CDK14: variants seen among roughly 807,000 people sequenced by gnomAD.
CDK14 encodes the protein cyclin-dependent kinase 14.
CDK14 carries 34 observed loss-of-function variants against 60.7 expected under a neutral mutation model. The observed-to-expected ratio is 0.56, with a 90% CI of 0.43 to 0.75. The LOEUF is 0.75. Ranked by LOEUF, CDK14 falls within the 30% of genes least tolerant of loss-of-function variation. The pLI, the probability that CDK14 is intolerant of heterozygous loss-of-function variation, is 0.00. For synonymous variants in CDK14, 197 were observed against 203.7 expected (o/e 0.97, Z 0.28); for missense variants, 482 against 564.1 (o/e 0.85, Z 1.47).
At chr7:90,744,886 G>A (rs538260771) in intron 3 of CDK14, among the ~76,000 whole-genome samples, 6 of 151,556 alleles carry the variant, frequency 4.0e-5, no homozygotes, top group African/African-American at 7.3e-5. Context: ...GCGGCTGGCC[G>A]GGCAGAGGGG....
At chr7:90,677,500 T>C (rs570253260) in intron 2 of CDK14, among the ~76,000 whole-genome samples, 1 of 152,306 alleles carries the variant, frequency 6.6e-6, no homozygotes, top group East Asian at 1.9e-4. Context: ...GTTTGTAAAA[T>C]CTTGGTTTCA....
chr7:90,658,777 T>A (rs183030157), intron 2 of CDK14, among the ~76,000 whole-genome samples: 9 of 152,304 alleles, frequency 5.9e-5, no homozygotes, highest in East Asian at 3.9e-4. Context: ...TAGGTTTTTT[T>A]ATGGAGAAAT....
At chr7:90,638,198 G>A (rs916096723) in intron 2 of CDK14, among the ~76,000 whole-genome samples, 2 of 152,046 alleles carry the variant, frequency 1.3e-5, no homozygotes, top group Non-Finnish European at 2.9e-5. Context: ...TATTTTGCTC[G>A]TTAGTTGATG....
intron 8 of CDK14, among the ~76,000 whole-genome samples, chr7:90,946,470 C>T (rs1361379971): frequency 1.3e-5 from 2 of 152,112 alleles, no homozygotes; most frequent in Admixed American, 6.5e-5. Context: ...GAAAATAATT[C>T]AGAAAACCTG....
intron 13 of CDK14, 44 bp downstream of exon 13, chr7:91,112,725 C>G (rs748895380): frequency 3.7e-6 from 6 of 1,602,694 alleles, no homozygotes; most frequent in Non-Finnish European, 5.1e-6. Flanking sequence ...GCAGACACAT[C>G]ATTTTATTTT....
At chr7:91,045,740 G>A (rs1327449132) in intron 10 of CDK14, among the ~76,000 whole-genome samples, 157 bp from the exon 11 acceptor site, 3 of 152,046 alleles carry the variant, frequency 2.0e-5, no homozygotes, top group African/African-American at 7.2e-5. Context: ...CTCTTTAGCT[G>A]GGTTTGTTTT....
chr7:90,910,986 A>G (rs1175579648), intron 7 of CDK14, among the ~76,000 whole-genome samples: 2 of 151,930 alleles, frequency 1.3e-5, no homozygotes, highest in African/African-American at 2.4e-5. Context: ...CTCTGTGCCC[A>G]TGTGTTCTCA....
At position 90,985,219 on chromosome 7, in the gene CDK14, T is replaced by C. The variant is rs534065736; in HGVS notation, c.1041+978T>C. Among the ~76,000 whole-genome samples, 8 of 152,274 alleles carry C rather than the reference T, an allele frequency of 5.3e-5. No homozygotes were observed. The South Asian group carries it at 1.7e-3, about 32-fold the overall frequency. ...TTTGAAAATGTGTAAAATGTAAGTG[T>C]TCTGGAGCCAGACTATCTGGGCTTA... is the stretch of plus-strand genomic sequence containing the variant. On this transcript the variant is annotated intron_variant, in intron 10 of 14. Transcript: ENST00000380050.
intron 14 of CDK14, among the ~76,000 whole-genome samples, chr7:91,126,004 A>G (rs956482250): frequency 1.3e-5 from 2 of 152,224 alleles, no homozygotes; most frequent in Non-Finnish European, 2.9e-5. Flanking sequence ...AATCATGTAC[A>G]GTATTTATTT....
intron 13 of CDK14, among the ~76,000 whole-genome samples, chr7:91,116,059 ACTT>A (rs1219218056): frequency 1.3e-5 from 2 of 152,142 alleles, no homozygotes; most frequent in African/African-American, 4.8e-5. Context: ...GCTTTGTCCC[ACTT>A]CTTCTCAAAG....
chr7:91,081,836 C>T (rs975903145), intron 12 of CDK14, among the ~76,000 whole-genome samples: 26 of 151,846 alleles, frequency 1.7e-4, no homozygotes, highest in African/African-American at 6.3e-4. Context: ...AACAGATATC[C>T]AAATTCAAAA....
intron 6 of CDK14, among the ~76,000 whole-genome samples, chr7:90,870,008 C>A (rs1791313827): frequency 6.6e-6 from 1 of 152,150 alleles, no homozygotes; most frequent in Non-Finnish European, 1.5e-5. Flanking sequence ...AAGTTTCAAG[C>A]CCATGTTTTG....
intron 11 of CDK14, among the ~76,000 whole-genome samples, chr7:91,077,424 A>G (rs1321553043): frequency 1.3e-5 from 2 of 152,098 alleles, no homozygotes; most frequent in Non-Finnish European, 1.5e-5. Flanking sequence ...TCTGACTCGT[A>G]AGTGGGAATT....
At chr7:90,674,341 G>A (rs1052387528) in intron 2 of CDK14, among the ~76,000 whole-genome samples, 1 of 152,146 alleles carries the variant, frequency 6.6e-6, no homozygotes, top group Non-Finnish European at 1.5e-5. Flanking sequence ...CAGTTGCTGG[G>A]ATTGTCAGAG....
At chr7:90,930,652 A>G (rs1444155142) in intron 8 of CDK14, among the ~76,000 whole-genome samples, 1 of 151,786 alleles carries the variant, frequency 6.6e-6, no homozygotes, top group Non-Finnish European at 1.5e-5. Flanking sequence ...AATCATAGAA[A>G]TGTTTGATCT....
chr7:90,864,984 G>A lies in CDK14; in HGVS notation c.639+1715G>A, dbSNP rs75196894. 2.3e-4 allele frequency among the ~76,000 whole-genome samples: 35 copies of A among 152,222 alleles called. 1 individual carries two copies. The East Asian group carries it at 6.4e-3, about 28-fold the overall frequency. ...ATAGATTACTCTTGTCTCTTTTAGA[G>A]ATTGAGGCCAACTTGGGTCATTTTT... On this transcript the variant is annotated intron_variant, in intron 6 of 14. Coordinates refer to ENST00000380050, the MANE Select transcript of CDK14 (RefSeq NM_001287135.2).
intron 4 of CDK14, among the ~76,000 whole-genome samples, chr7:90,770,109 G>T (rs764705019): frequency 6.6e-6 from 1 of 152,190 alleles, no homozygotes. Context: ...AGCACTAAAC[G>T]CAGCAAAGCA....
At chr7:90,658,879 A>G (rs1318049366) in intron 2 of CDK14, among the ~76,000 whole-genome samples, 1 of 152,116 alleles carries the variant, frequency 6.6e-6, no homozygotes, top group Non-Finnish European at 1.5e-5. Flanking sequence ...AATCGGGGGT[A>G]GTTTCTTTTT....
At position 90,941,458 on chromosome 7, in the gene CDK14, T is replaced by C. The variant is rs1168021814; in HGVS notation, c.827-14239T>C. On this transcript the variant is annotated intron_variant, in intron 8 of 14. Coordinates refer to ENST00000380050, the MANE Select transcript of CDK14 (RefSeq NM_001287135.2). Reference sequence around the variant, plus strand: ...TGGTTATTTGTTTAGTTTGTTTGTCTGTCTGTTTTTAGAGACAGGGTCCTG... The same window carrying C: ...TGGTTATTTGTTTAGTTTGTTTGTCCGTCTGTTTTTAGAGACAGGGTCCTG... 2.6e-5 allele frequency among the ~76,000 whole-genome samples: 4 copies of C among 152,244 alleles called. No individual in the cohort carries two copies. The East Asian group carries it at 7.7e-4, about 29-fold the overall frequency.
Sources: gnomAD v4.1 joint callset for allele counts (sites outside exome capture counted in the v4.1 genomes callset) on GRCh38, gnomAD v4.1.1 for gene constraint, MANE v1.5 for transcripts, NCBI Gene and HGNC (gene_info 2026-07-23, HGNC 2026-07-21) for gene names.